AAGAB: variants seen among roughly 807,000 people sequenced by gnomAD.
AAGAB encodes alpha- and gamma-adaptin-binding protein p34.
AAGAB carries 38 observed loss-of-function variants against 44.1 expected under a neutral mutation model. The observed-to-expected ratio is 0.86, with a 90% CI of 0.67 to 1.13. AAGAB has a LOEUF of 1.13. Ranked by LOEUF, AAGAB falls within the 50% of genes most tolerant of loss-of-function variation. The pLI is 0.00. For synonymous variants in AAGAB, 131 were observed against 131.8 expected, an observed-to-expected ratio of 0.99 and a Z score of 0.04; for missense variants, 450 against 373.8, an observed-to-expected ratio of 1.20 and a Z score of -1.68.
At chr15:67,222,282 A>ACACACACACACACACACCC (rs796412643) in intron 5 of AAGAB, among the ~76,000 whole-genome samples, 132 of 139,828 alleles carry the variant, frequency 9.4e-4, no homozygotes, top group Non-Finnish European at 1.7e-3. Context: ...ACACACACAC[A>ACACACACACACACACACCC]CCCTCCACCC....
rs995541508 is a variant in AAGAB at position 67,242,284 on chromosome 15, G to A, written c.74-5464C>T. On this transcript the variant is annotated intron_variant, in intron 1 of 9. Coordinates refer to ENST00000261880, the MANE Select transcript of AAGAB (RefSeq NM_024666.5). Reference sequence around the variant, plus strand: ...TAAAAATACAAAAAATTAGCCGGGCGCGGTGGCGGGCGCCTGTAGTCCCAG... The same window carrying A: ...TAAAAATACAAAAAATTAGCCGGGCACGGTGGCGGGCGCCTGTAGTCCCAG... 2.3e-5 allele frequency among the ~76,000 whole-genome samples: 3 copies of A among 132,356 alleles called. 1 individual carries two copies. In the Admixed American group the frequency reaches 2.5e-4, roughly 11 times the overall value. 86.8% of individuals were successfully genotyped at this position (132,356 alleles called of 152,430 possible).
intron 5 of AAGAB, among the ~76,000 whole-genome samples, chr15:67,231,332 C>T (rs12441062): frequency 6.6e-6 from 1 of 152,198 alleles, no homozygotes; most frequent in Non-Finnish European, 1.5e-5. Flanking sequence ...TCTTGAGCTT[C>T]CTGTGAAAAC....
rs146085632 is a variant in AAGAB at position 67,250,516 on chromosome 15, A to T, written c.73+4043T>A. ...TTTCTACATTCCTCTCAAGGGCAGG[A>T]ACAGTATCTTAGGCATTATTTTAGC... On this transcript the variant is annotated intron_variant, in intron 1 of 9. Coordinates refer to ENST00000261880, the MANE Select transcript of AAGAB (RefSeq NM_024666.5). Among the ~76,000 whole-genome samples the T allele has an allele frequency of 2.4e-3, 366 of 152,310 alleles. 1 individual carries two copies. Among genetic ancestry groups the T allele is most frequent in the African/African-American group, 8.3e-3 (345 of 41,568 alleles).
chr15:67,252,333 T>A (rs1465217285), intron 1 of AAGAB, among the ~76,000 whole-genome samples: 1 of 152,238 alleles, frequency 6.6e-6, no homozygotes, highest in East Asian at 1.9e-4. Flanking sequence ...GTAAGTCTTT[T>A]GGAAAGTTAG....
At chr15:67,209,256 T>C (rs952150125) in intron 6 of AAGAB, among the ~76,000 whole-genome samples, 1 of 152,220 alleles carries the variant, frequency 6.6e-6, no homozygotes, top group Non-Finnish European at 1.5e-5. Context: ...GAAAGCACCC[T>C]AGTAAAAATA....
In AAGAB at chr15:67,202,671, C is replaced by T; in HGVS notation, c.*150G>A. 1 of 644,996 alleles carries T rather than the reference C, an allele frequency of 1.6e-6. No individual in the cohort carries two copies. Among genetic ancestry groups the T allele is most frequent in the South Asian group, 2.0e-5 (1 of 51,014 alleles). The allele number at this position is 644,996 out of a possible 1,614,324, so 40.0% of individuals were successfully genotyped here. On this transcript the variant is annotated 3_prime_UTR_variant, in exon 10 of 10. Coordinates refer to ENST00000261880, the MANE Select transcript of AAGAB (RefSeq NM_024666.5). Reference sequence around the variant, plus strand: ...GAAAAAAAAGATTTCTCCTTAACCTCCTACTAAAAACTAAAATTAAGGGGA... The same window carrying T: ...GAAAAAAAAGATTTCTCCTTAACCTTCTACTAAAAACTAAAATTAAGGGGA...
In AAGAB at chr15:67,235,968, TA is replaced by T. The variant is rs1480075580; in HGVS notation, c.451+10del. The T allele has an allele frequency of 2.5e-6, 4 of 1,582,656 alleles. No homozygotes were observed. The highest frequency in any genetic ancestry group is 3.5e-6 in the Non-Finnish European group (4 of 1,156,056). On this transcript the variant is annotated intron_variant, in intron 4 of 9. Transcript: ENST00000261880. ...AAGTGCCATATTTTCTCCTAACACA[TA>T]AACACTTACCATCCTCCTCAGGCAA...
At chr15:67,237,027 C>T (rs940331848) in intron 1 of AAGAB, among the ~76,000 whole-genome samples, 1 of 152,048 alleles carries the variant, frequency 6.6e-6, no homozygotes, top group Non-Finnish European at 1.5e-5. Flanking sequence ...AAGTCATTGA[C>T]ATTTTCTCTT....
In AAGAB at chr15:67,254,581, GA is replaced by G; in HGVS notation, c.50del (p.Phe17SerfsTer20). 1 of 1,610,066 alleles carries G rather than the reference GA, an allele frequency of 6.2e-7. No individual in the cohort carries two copies. The highest frequency in any genetic ancestry group is 8.5e-7 in the Non-Finnish European group (1 of 1,179,110). On this transcript the variant is annotated frameshift_variant, in exon 1 of 10. Transcript: ENST00000261880. LOFTEE classifies it high-confidence loss of function. The part of the protein sequence containing the change: ...CALVTSCSSV[F>X]SGDQLVQHIL... ...CACGTTGGACCAGCTGGTCTCCTGA[GA>G]AGACGGAGGAGCAGCTGGTGACTAA...
At chr15:67,249,577 C>A (rs1964813389) in intron 1 of AAGAB, among the ~76,000 whole-genome samples, 1 of 152,086 alleles carries the variant, frequency 6.6e-6, no homozygotes, top group Non-Finnish European at 1.5e-5. Flanking sequence ...GTTTCGATGG[C>A]AACAATTTTT....
intron 5 of AAGAB, among the ~76,000 whole-genome samples, chr15:67,213,443 A>G (rs1963870042): frequency 6.6e-6 from 1 of 152,246 alleles, no homozygotes; most frequent in African/African-American, 2.4e-5. Context: ...CTTTAGAAGC[A>G]TAAAATGCAT....
At chr15:67,205,247 G>A (rs916966872) in intron 7 of AAGAB, among the ~76,000 whole-genome samples, 2 of 152,182 alleles carry the variant, frequency 1.3e-5, no homozygotes, top group African/African-American at 4.8e-5. Context: ...ATGAAGATAG[G>A]ATGATGACTT....
At chr15:67,246,498 T>C (rs1188438574) in intron 1 of AAGAB, among the ~76,000 whole-genome samples, 2 of 152,162 alleles carry the variant, frequency 1.3e-5, no homozygotes, top group African/African-American at 4.8e-5. Context: ...GTATTTGTGG[T>C]ATCTGTGTGT....
At chr15:67,236,273 A>G (rs1964461841) in intron 3 of AAGAB, 135 bp downstream of exon 3, 1 of 976,494 alleles carries the variant, frequency 1.0e-6, no homozygotes, top group Admixed American at 2.9e-5. Context: ...TTCCAAAGAA[A>G]AATAGCTGAA....
intron 6 of AAGAB, 25 bp from the exon 7 acceptor site, chr15:67,208,683 A>T (rs1963740159): frequency 6.3e-7 from 1 of 1,597,532 alleles, no homozygotes; most frequent in Non-Finnish European, 8.6e-7. Context: ...ACACATAAGC[A>T]ACAATTTAAT....
Position 67,236,064 on chromosome 15 carries a change from T to C in AAGAB, c.366A>G (p.Ile122Met). The change falls in exon 4 of 10, where the codon ATA (isoleucine) becomes ATG (methionine). Residue 122 changes from isoleucine to methionine, a missense_variant. Physicochemically the swap from Ile to Met is conservative, Grantham distance 10. Coordinates refer to ENST00000261880, the MANE Select transcript of AAGAB (RefSeq NM_024666.5). ...LVCDRVSEDG[I>M]NRQKAQEWCI... ...ACCATTCTTGAGCTTTTTGTCGGTT[T>C]ATACCTAAAATAATATGCAAAAGAA... The C allele has an allele frequency of 6.2e-7, 1 of 1,606,382 alleles. No homozygotes were observed. The highest frequency in any genetic ancestry group is 8.5e-7 in the Non-Finnish European group (1 of 1,174,868).
At chr15:67,216,764 A>G (rs1178390740) in intron 5 of AAGAB, among the ~76,000 whole-genome samples, 3 of 150,114 alleles carry the variant, frequency 2.0e-5, no homozygotes, top group Non-Finnish European at 3.0e-5. Flanking sequence ...AGACTTTACC[A>G]TGAAAAAAAA....
At chr15:67,254,993 C>T (rs1225187572), upstream of AAGAB, 7 of 1,582,408 alleles carry the variant, frequency 4.4e-6, no homozygotes, top group African/African-American at 8.1e-5. Flanking sequence ...AGCCGCGCCA[C>T]TTCCGAGCGA....
intron 5 of AAGAB, among the ~76,000 whole-genome samples, chr15:67,225,526 C>T (rs888399663): frequency 6.6e-6 from 1 of 152,088 alleles, no homozygotes; most frequent in Non-Finnish European, 1.5e-5. Context: ...TTTTCACCAC[C>T]CCAGAAAGAA....
Sources: gnomAD v4.1 joint callset for allele counts (sites outside exome capture counted in the v4.1 genomes callset) on GRCh38, gnomAD v4.1.1 for gene constraint, MANE v1.5 for transcripts, NCBI Gene and HGNC (gene_info 2026-07-23, HGNC 2026-07-21) for gene names.